The following SUMF1 variants were observed in gnomAD, a reference collection of about 807,000 sequenced individuals.
SUMF1 encodes the protein sulfatase modifying factor 1, also known as formylglycine-generating enzyme.
In SUMF1, 48 loss-of-function variants were observed where a neutral mutation model predicts 47.6. The observed-to-expected ratio is 1.01, with a 90% CI of 0.80 to 1.28. SUMF1 has a LOEUF of 1.28. SUMF1 is among the 50% of genes most tolerant of loss of function. SUMF1 has a pLI of 0.00. For missense variants in SUMF1, 571 were observed against 485.4 expected (o/e 1.18, Z -1.66); for synonymous variants, 230 against 192.1 (o/e 1.20, Z -1.63).
chr3:4,330,739 A>T (rs893160223), intron 8 of SUMF1, among the ~76,000 whole-genome samples: 8 of 152,116 alleles, frequency 5.3e-5, no homozygotes, highest in African/African-American at 1.9e-4. Flanking sequence ...CTTATCTCTT[A>T]GTATTTCACA....
intron 8 of SUMF1, among the ~76,000 whole-genome samples, chr3:4,369,597 G>A (rs531968923): frequency 6.6e-5 from 10 of 152,286 alleles, no homozygotes; most frequent in African/African-American, 1.9e-4. Context: ...AAACGTACAC[G>A]CTTTTTTAGA....
At chr3:4,384,646 G>A (rs1247207867) in intron 7 of SUMF1, among the ~76,000 whole-genome samples, 3 of 152,102 alleles carry the variant, frequency 2.0e-5, no homozygotes, top group African/African-American at 7.2e-5. Context: ...CATCCAGGTT[G>A]CTCTGCATAC....
At chr3:4,379,840 C>CAAAAAA (rs58264459) in intron 7 of SUMF1, among the ~76,000 whole-genome samples, 5 of 76,880 alleles carry the variant, frequency 6.5e-5, no homozygotes, top group Admixed American at 1.6e-4. Flanking sequence ...GCCTCCATCT[C>CAAAAAA]AAAAAAAAAA....
intron 8 of SUMF1, among the ~76,000 whole-genome samples, chr3:4,077,162 G>T (rs1477887503): frequency 6.6e-6 from 1 of 152,126 alleles, no homozygotes; most frequent in Non-Finnish European, 1.5e-5. Context: ...AACAACAGAC[G>T]CTGGAGAGGA....
chr3:4,209,234 AT>A (rs1186796796), intron 8 of SUMF1, among the ~76,000 whole-genome samples: 5 of 152,132 alleles, frequency 3.3e-5, no homozygotes, highest in African/African-American at 1.2e-4. Context: ...ATATGTATAA[AT>A]TTTACACTCT....
chr3:4,467,203 C>G lies in SUMF1; in HGVS notation c.43G>C (p.Glu15Gln). The G allele has an allele frequency of 6.2e-7, 1 of 1,611,608 alleles. No homozygotes were observed. Among genetic ancestry groups the G allele is most frequent in the Non-Finnish European group, 8.5e-7 (1 of 1,179,328 alleles). Residue 15 changes from glutamate (E) to glutamine (Q), a missense_variant, in exon 1 of 9, where the codon GAG becomes CAG. Physicochemically the swap from Glu to Gln is conservative, Grantham distance 29. Transcript: ENST00000272902. Reference protein sequence around the residue: ...ALGLVCGRCPELGLVLLLLLL... With the variant: ...ALGLVCGRCPQLGLVLLLLLL... ...AGCAGCAAGAGGACGAGACCCAGCT[C>G]AGGGCAACGTCCACACACCAGCCCT...
intron 8 of SUMF1, among the ~76,000 whole-genome samples, chr3:4,345,342 G>A (rs542537943): frequency 2.6e-5 from 4 of 152,308 alleles, no homozygotes; most frequent in East Asian, 3.9e-4. Flanking sequence ...TCTCTTGGCA[G>A]AAACTCTACA....
intron 8 of SUMF1, chr3:4,316,593 C>A (rs779326736): frequency 1.0e-5 from 16 of 1,551,328 alleles, no homozygotes; most frequent in Non-Finnish European, 1.3e-5. Flanking sequence ...GACTGAAAAT[C>A]AAAAAAATCG....
chr3:4,273,120 A>T (rs1276468473), intron 8 of SUMF1, among the ~76,000 whole-genome samples: 4 of 149,400 alleles, frequency 2.7e-5, no homozygotes, highest in African/African-American at 4.9e-5. Context: ...ATATATATAC[A>T]CACACATATA....
At chr3:4,344,934 G>A (rs1404758706) in intron 8 of SUMF1, among the ~76,000 whole-genome samples, 1 of 151,944 alleles carries the variant, frequency 6.6e-6, no homozygotes, top group East Asian at 1.9e-4. Flanking sequence ...AAGGATATAA[G>A]AATTCGAAGA....
intron 9 of SUMF1, among the ~76,000 whole-genome samples, chr3:4,047,111 T>C (rs1695021232): frequency 6.6e-6 from 1 of 152,112 alleles, no homozygotes; most frequent in African/African-American, 2.4e-5. Context: ...CCCAGATCTT[T>C]GCTGGTGCCT....
intron 8 of SUMF1, among the ~76,000 whole-genome samples, chr3:4,183,281 G>C (rs1191876142): frequency 6.6e-6 from 1 of 152,144 alleles, no homozygotes; most frequent in Non-Finnish European, 1.5e-5. Flanking sequence ...ACAAAAAATA[G>C]TTAAAACAAA....
intron 8 of SUMF1, among the ~76,000 whole-genome samples, chr3:4,271,638 A>T (rs746364958): frequency 6.6e-6 from 1 of 151,944 alleles, no homozygotes; most frequent in Non-Finnish European, 1.5e-5. Context: ...AGTAGCTGGG[A>T]CTCCAGGAGC....
intron 8 of SUMF1, among the ~76,000 whole-genome samples, chr3:4,085,377 C>T (rs957546549): frequency 1.3e-5 from 2 of 151,946 alleles, no homozygotes; most frequent in Non-Finnish European, 2.9e-5. Flanking sequence ...ATTTGGGGAC[C>T]AGAGCTTAGA....
At chr3:4,134,808 G>T (rs946270602) in intron 8 of SUMF1, among the ~76,000 whole-genome samples, 1 of 152,120 alleles carries the variant, frequency 6.6e-6, no homozygotes, top group African/African-American at 2.4e-5. Flanking sequence ...CGATCCCACA[G>T]AAATACAAAC....
intron 8 of SUMF1, among the ~76,000 whole-genome samples, chr3:4,228,566 T>TC (rs1422711504): frequency 6.6e-6 from 1 of 152,108 alleles, no homozygotes; most frequent in Non-Finnish European, 1.5e-5. Flanking sequence ...CGGCTCTGCT[T>TC]CACTGCTTCC....
intron 8 of SUMF1, among the ~76,000 whole-genome samples, chr3:4,081,913 G>A (rs1267394384): frequency 1.3e-5 from 2 of 152,100 alleles, no homozygotes; most frequent in Non-Finnish European, 2.9e-5. Context: ...AATAGTGTTA[G>A]TGATATTTCC....
chr3:4,395,921 G>A (rs984718254), intron 7 of SUMF1, among the ~76,000 whole-genome samples: 1 of 152,164 alleles, frequency 6.6e-6, no homozygotes, highest in African/African-American at 2.4e-5. Context: ...GCACATTACA[G>A]TTGGATATTG....
intron 7 of SUMF1, among the ~76,000 whole-genome samples, chr3:4,401,553 G>A (rs941130276): frequency 7.9e-5 from 12 of 152,144 alleles, no homozygotes; most frequent in African/African-American, 2.9e-4. Context: ...CCGTGGGAAT[G>A]GCTTGCTACA....
Sources: allele counts gnomAD v4.1 joint callset (sites outside exome capture counted in the v4.1 genomes callset), GRCh38; gene constraint gnomAD v4.1.1; transcripts MANE v1.5; gene names NCBI Gene and HGNC (gene_info 2026-07-23, HGNC 2026-07-21).